Variants in GLB1L3 observed in about 807,000 individuals in gnomAD.
GLB1L3 encodes the protein galactosidase beta 1 like 3.
A neutral mutation model predicts 89.5 loss-of-function variants in GLB1L3; 89 were observed. The ratio of observed to expected loss-of-function variants is 0.99; its 90% CI spans 0.84 to 1.19. The LOEUF (loss-of-function observed/expected upper bound fraction) is 1.19. GLB1L3 is among the 50% of genes most tolerant of loss of function. The pLI, the probability that GLB1L3 is intolerant of heterozygous loss-of-function variation, is 0.00. For missense variants in GLB1L3, 812 were observed against 813.3 expected (o/e 1.00, Z 0.02); for synonymous variants, 314 against 312.3 (o/e 1.01, Z -0.06).
intron 11 of GLB1L3, 131 bp from the exon 12 acceptor site, chr11:134,310,440 A>G: frequency 1.5e-6 from 1 of 651,840 alleles, no homozygotes; most frequent in Non-Finnish European, 2.7e-6. Context: ...GGCATCACAC[A>G]CCCACGTGGG....
At chr11:134,310,947 G>T (rs901758090) in intron 12 of GLB1L3, 117 bp from the exon 13 acceptor site, 2 of 738,620 alleles carry the variant, frequency 2.7e-6, no homozygotes, top group Non-Finnish European at 4.7e-6. Context: ...TTATACCATG[G>T]ATGACATAGT....
At chr11:134,301,302 T>C (rs1941938882) in intron 9 of GLB1L3, among the ~76,000 whole-genome samples, 3 of 152,300 alleles carry the variant, frequency 2.0e-5, no homozygotes, top group African/African-American at 7.2e-5. Flanking sequence ...ATTTATGTTT[T>C]TCCCACTGCT....
chr11:134,310,526 C>T lies in GLB1L3; in HGVS notation c.1100-45C>T, dbSNP rs778428508. The T allele has an allele frequency of 4.0e-6, 6 of 1,494,016 alleles. No individual in the cohort carries two copies. In the African/African-American group the frequency reaches 6.9e-5, roughly 17 times the overall value. 92.5% of individuals were successfully genotyped at this position (1,494,016 alleles called of 1,614,324 possible). Reference sequence around the variant, plus strand: ...TGCCAGCGGTGCTGAAACAGGGCCTCCTGCAGAGACTGCATGGCTGGTGAC... The same window carrying T: ...TGCCAGCGGTGCTGAAACAGGGCCTTCTGCAGAGACTGCATGGCTGGTGAC... On this transcript the variant is annotated intron_variant, in intron 11 of 19. Coordinates refer to ENST00000431683, the MANE Select transcript of GLB1L3 (RefSeq NM_001080407.3).
intron 6 of GLB1L3, among the ~76,000 whole-genome samples, chr11:134,285,164 G>A (rs756993918): frequency 3.9e-5 from 6 of 151,940 alleles, no homozygotes; most frequent in Admixed American, 1.3e-4. Flanking sequence ...TCCTGACCTC[G>A]TGATCCCACC....
downstream of GLB1L3, among the ~76,000 whole-genome samples, chr11:134,324,241 A>G (rs149590501): frequency 4.0e-4 from 61 of 152,370 alleles, no homozygotes; most frequent in African/African-American, 1.3e-3. Flanking sequence ...TTGTTTCTGC[A>G]TGCCCAAATA....
rs149347577 is a variant in GLB1L3 at position 134,289,182 on chromosome 11, C to T, written c.729+292C>T. The stretch of plus-strand genomic sequence containing the variant: ...ATATCTATTATATACTGTATTCTTA[C>T]AGCAAAGTAAGCTTCAGAAAAGAAA... On this transcript the variant is annotated intron_variant, in intron 7 of 19. Coordinates refer to ENST00000431683, the MANE Select transcript of GLB1L3 (RefSeq NM_001080407.3). Among the ~76,000 whole-genome samples, 1,080 of 152,240 alleles carry T rather than the reference C, an allele frequency of 7.1e-3. 4 individuals are homozygous for T. Among genetic ancestry groups the T allele is most frequent in the Non-Finnish European group, 0.01 (694 of 68,010 alleles).
At chr11:134,324,417 T>G (rs1943199508), downstream of GLB1L3, among the ~76,000 whole-genome samples, 1 of 152,180 alleles carries the variant, frequency 6.6e-6, no homozygotes. Flanking sequence ...AAAAAACTAC[T>G]AAAAATACCA....
At chr11:134,288,352 A>C (rs1006518205) in intron 6 of GLB1L3, among the ~76,000 whole-genome samples, 1 of 152,138 alleles carries the variant, frequency 6.6e-6, no homozygotes, top group Non-Finnish European at 1.5e-5. Flanking sequence ...CATGGAGGTC[A>C]GCTTGTTGCA....
At chr11:134,293,728 C>T (rs1172594684) in intron 9 of GLB1L3, among the ~76,000 whole-genome samples, 1 of 113,828 alleles carries the variant, frequency 8.8e-6, no homozygotes, top group East Asian at 2.0e-4. Flanking sequence ...TGTCCTTTCT[C>T]TGCAGCCTCC....
At chr11:134,323,457 C>A (rs1943190561), downstream of GLB1L3, among the ~76,000 whole-genome samples, 1 of 152,002 alleles carries the variant, frequency 6.6e-6, no homozygotes, top group African/African-American at 2.4e-5. Context: ...TGCATGTAAT[C>A]CCAGCTACTT....
intron 18 of GLB1L3, among the ~76,000 whole-genome samples, chr11:134,316,360 A>G (rs2136234128): frequency 6.6e-6 from 1 of 152,262 alleles, no homozygotes; most frequent in East Asian, 1.9e-4. Flanking sequence ...TTTCTATTAT[A>G]TGGGTAATGG....
chr11:134,320,990 TGAG>T (rs1943160330), downstream of GLB1L3, among the ~76,000 whole-genome samples: 1 of 152,300 alleles, frequency 6.6e-6, no homozygotes, highest in African/African-American at 2.4e-5. Context: ...GAACCACAGT[TGAG>T]AAGAAATTTC....
At position 134,302,447 on chromosome 11, in the gene GLB1L3, A is replaced by G. The variant is rs192966960; in HGVS notation, c.877-4677A>G. On this transcript the variant is annotated intron_variant, in intron 9 of 19. Transcript: ENST00000431683. Reference sequence around the variant, plus strand: ...ATCATAGTTGATAACAACATTCACAATTTTGTTATTCACTTAATTCTATAA... The same window carrying G: ...ATCATAGTTGATAACAACATTCACAGTTTTGTTATTCACTTAATTCTATAA... Among the ~76,000 whole-genome samples the G allele has an allele frequency of 1.2e-3, 184 of 152,302 alleles. 2 individuals are homozygous for G. Among genetic ancestry groups the G allele is most frequent in the African/African-American group, 4.3e-3 (179 of 41,562 alleles).
At chr11:134,313,375 T>C (rs1942834747) in intron 15 of GLB1L3, 21 bp from the exon 16 acceptor site, 8 of 1,562,752 alleles carry the variant, frequency 5.1e-6, no homozygotes, top group Non-Finnish European at 6.9e-6. Flanking sequence ...GTGGTCTCCA[T>C]GACCTGGCCT....
Position 134,277,257 on chromosome 11 carries a change from CT to C in GLB1L3, c.24-67del, listed in dbSNP as rs746158277. The C allele has an allele frequency of 5.6e-6, 9 of 1,606,228 alleles. No individual in the cohort carries two copies. The Admixed American group carries it at 1.5e-4, about 27-fold the overall frequency. On this transcript the variant is annotated intron_variant, in intron 1 of 19. Coordinates refer to ENST00000431683, the MANE Select transcript of GLB1L3 (RefSeq NM_001080407.3). ...GGCCTCTAAAGCGCCCCCGGCACAG[CT>C]TCCCGGCCCTTGCAGCCCGGTGGGG...
chr11:134,280,753 C>A (rs1216995913), intron 3 of GLB1L3, among the ~76,000 whole-genome samples: 1 of 152,086 alleles, frequency 6.6e-6, no homozygotes, highest in African/African-American at 2.4e-5. Context: ...AATCTCTGCA[C>A]TGCACAAAAT....
At chr11:134,319,722 GTA>G (rs1491143761), downstream of GLB1L3, among the ~76,000 whole-genome samples, 92 of 125,388 alleles carry the variant, frequency 7.3e-4, no homozygotes, top group African/African-American at 2.3e-3. Flanking sequence ...CTCTCTCTGT[GTA>G]TGTGTGTGTG....
At chr11:134,294,926 T>A (rs1014932654) in intron 9 of GLB1L3, among the ~76,000 whole-genome samples, 1 of 152,224 alleles carries the variant, frequency 6.6e-6, no homozygotes, top group Non-Finnish European at 1.5e-5. Flanking sequence ...ACAGTGACTG[T>A]GGTTTTTGCA....
chr11:134,308,374 C>T (rs62647607), intron 10 of GLB1L3, among the ~76,000 whole-genome samples: 9 of 44,204 alleles, frequency 2.0e-4, no homozygotes, highest in South Asian at 7.3e-4. Context: ...ACCACCACCA[C>T]CACCATCACC....
Sources: allele counts gnomAD v4.1 joint callset (sites outside exome capture counted in the v4.1 genomes callset), GRCh38; gene constraint gnomAD v4.1.1; transcripts MANE v1.5; gene names NCBI Gene and HGNC (gene_info 2026-07-23, HGNC 2026-07-21).